The following RFPL1 variants were observed in gnomAD, a reference collection of about 807,000 sequenced individuals.
RFPL1 encodes ret finger protein-like 1.
RFPL1 carries 6 observed loss-of-function variants against 9.6 expected under a neutral mutation model. The observed-to-expected ratio is 0.62, with a 90% CI of 0.34 to 1.23. The LOEUF is 1.23. Ranked by LOEUF, RFPL1 falls within the 50% of genes most tolerant of loss-of-function variation. RFPL1 has a pLI of 0.03. For missense variants in RFPL1, 352 were observed against 398.4 expected (o/e 0.88, Z 0.99); for synonymous variants, 145 against 149.4 (o/e 0.97, Z 0.22).
chr22:29,415,965 T>C, the RFPL1 span, among the ~76,000 whole-genome samples: 5 of 152,194 alleles, frequency 3.3e-5, no homozygotes, highest in East Asian at 7.7e-4. Context: ...TGTGGTCAGA[T>C]TGGACCTTCC....
chr22:29,418,271 G>A, the RFPL1 span, among the ~76,000 whole-genome samples: 1 of 151,970 alleles, frequency 6.6e-6, no homozygotes, highest in Non-Finnish European at 1.5e-5. Flanking sequence ...GGGTCACTGG[G>A]CGCTCCCACA....
the RFPL1 span, among the ~76,000 whole-genome samples, chr22:29,408,267 G>A: frequency 1.3e-5 from 2 of 152,298 alleles, no homozygotes; most frequent in African/African-American, 4.8e-5. Flanking sequence ...GTATTAAACT[G>A]TTCTTAAGGT....
At chr22:29,412,804 G>T in the RFPL1 span, among the ~76,000 whole-genome samples, 2 of 152,080 alleles carry the variant, frequency 1.3e-5, no homozygotes, top group African/African-American at 2.4e-5. Context: ...TCATCCTGGA[G>T]CCTGCCCAGC....
chr22:29,428,097 C>G, the RFPL1 span, among the ~76,000 whole-genome samples: 8 of 152,202 alleles, frequency 5.3e-5, no homozygotes, highest in Non-Finnish European at 8.8e-5. Context: ...TTTCTTCAGC[C>G]TCTCAGCCTC....
chr22:29,406,354 C>T, the RFPL1 span, among the ~76,000 whole-genome samples: 1 of 151,796 alleles, frequency 6.6e-6, no homozygotes, highest in Non-Finnish European at 1.5e-5. Flanking sequence ...TCTTCTTAAG[C>T]CTTTATCTGT....
At chr22:29,412,327 T>A in the RFPL1 span, among the ~76,000 whole-genome samples, 2 of 152,176 alleles carry the variant, frequency 1.3e-5, no homozygotes, top group Non-Finnish European at 2.9e-5. Flanking sequence ...GGCCAATGGT[T>A]GTCTGGCCCA....
At chr22:29,434,020 C>CAT (rs1555942862), upstream of RFPL1, among the ~76,000 whole-genome samples, 3 of 151,924 alleles carry the variant, frequency 2.0e-5, no homozygotes, top group African/African-American at 7.3e-5. Flanking sequence ...CACACACACA[C>CAT]ATACACACAA....
At chr22:29,427,405 G>A in the RFPL1 span, among the ~76,000 whole-genome samples, 4 of 152,202 alleles carry the variant, frequency 2.6e-5, no homozygotes, top group Non-Finnish European at 4.4e-5. Flanking sequence ...CCTGCCTGTA[G>A]CCCTCAAGTC....
chr22:29,399,992 TTC>T, the RFPL1 span, among the ~76,000 whole-genome samples: 1 of 132,588 alleles, frequency 7.5e-6, no homozygotes, highest in Non-Finnish European at 1.5e-5. Flanking sequence ...AGCTTTTCTT[TTC>T]TTTTTTTTTT....
At chr22:29,442,132 G>T (rs768751734) in exon 2 of RFPL1, 1 of 1,509,034 alleles carries the variant, frequency 6.6e-7, no homozygotes, top group Admixed American at 2.2e-5. Flanking sequence ...AGCCCCCACT[G>T]CAAAAAAACA....
chr22:29,422,907 G>C, the RFPL1 span, among the ~76,000 whole-genome samples: 3 of 152,086 alleles, frequency 2.0e-5, no homozygotes, highest in African/African-American at 7.2e-5. Flanking sequence ...TTTAGCACTT[G>C]GAGCTAATGT....
chr22:29,417,333 G>A, the RFPL1 span, among the ~76,000 whole-genome samples: 3 of 152,150 alleles, frequency 2.0e-5, no homozygotes, highest in South Asian at 2.1e-4. Flanking sequence ...TGTCCAGCAG[G>A]TACCTGTTCC....
exon 2 of RFPL1, chr22:29,441,970 T>C: frequency 6.2e-7 from 1 of 1,614,136 alleles, no homozygotes; most frequent in Non-Finnish European, 8.5e-7. Flanking sequence ...TTCCCATGTC[T>C]ATACATTCAG....
chr22:29,397,675 G>A, the RFPL1 span, among the ~76,000 whole-genome samples: 1 of 152,228 alleles, frequency 6.6e-6, no homozygotes, highest in South Asian at 2.1e-4. Flanking sequence ...GACTCTGTGG[G>A]TGAGTGTTAA....
chr22:29,424,332 C>T, the RFPL1 span, among the ~76,000 whole-genome samples: 1 of 152,188 alleles, frequency 6.6e-6, no homozygotes, highest in Non-Finnish European at 1.5e-5. Context: ...ACCCTGGATA[C>T]ATGGCCAAGG....
At chr22:29,425,764 G>C in the RFPL1 span, among the ~76,000 whole-genome samples, 226 of 152,196 alleles carry the variant, frequency 1.5e-3, 1 homozygote, top group African/African-American at 5.2e-3. Context: ...ATGGTGGCAG[G>C]TGCCTGTAAT....
the RFPL1 span, among the ~76,000 whole-genome samples, chr22:29,420,341 C>CT: frequency 1.3e-5 from 2 of 152,072 alleles, no homozygotes; most frequent in African/African-American, 2.4e-5. Context: ...CCTTCTCTCT[C>CT]TTTTTTTGAG....
At chr22:29,392,103 G>A in the RFPL1 span, among the ~76,000 whole-genome samples, 1 of 152,220 alleles carries the variant, frequency 6.6e-6, no homozygotes, top group African/African-American at 2.4e-5. Context: ...TGGTGAGCCG[G>A]GGTCTTGCTC....
At chr22:29,422,662 G>T in the RFPL1 span, among the ~76,000 whole-genome samples, 1 of 152,084 alleles carries the variant, frequency 6.6e-6, no homozygotes, top group Non-Finnish European at 1.5e-5. Context: ...AGAATCACTT[G>T]AACCTGGGAG....
Sources: allele counts gnomAD v4.1 joint callset (sites outside exome capture counted in the v4.1 genomes callset), GRCh38; gene constraint gnomAD v4.1.1; transcripts MANE v1.5; gene names NCBI Gene and HGNC (gene_info 2026-07-23, HGNC 2026-07-21).